NID1: variants seen among roughly 807,000 people sequenced by gnomAD.
The protein encoded by NID1 is nidogen 1.
In NID1, 76 loss-of-function variants were observed where a neutral mutation model predicts 130.6. The observed-to-expected ratio is 0.58, with a 90% CI of 0.48 to 0.70. NID1 has a LOEUF of 0.70. Ranked by LOEUF, NID1 falls within the 30% of genes least tolerant of loss-of-function variation. NID1 has a pLI of 0.00. For missense variants in NID1, 1,517 were observed against 1,664.8 expected (o/e 0.91, Z 1.54); for synonymous variants, 665 against 675.1 (o/e 0.98, Z 0.23).
At chr1:236,054,072 C>G (rs1659831763) in intron 1 of NID1, among the ~76,000 whole-genome samples, 1 of 152,008 alleles carries the variant, frequency 6.6e-6, no homozygotes, top group African/African-American at 2.4e-5. Context: ...ATATAAAGCA[C>G]TAAAATGGAG....
chr1:235,989,069 CTTT>C (rs768952072), intron 14 of NID1, among the ~76,000 whole-genome samples: 25 of 115,798 alleles, frequency 2.2e-4, no homozygotes, highest in African/African-American at 8.3e-4. Context: ...AAATTATCTG[CTTT>C]TTTTTTTTTT....
intron 4 of NID1, among the ~76,000 whole-genome samples, chr1:236,040,825 G>A (rs1659431121): frequency 6.6e-6 from 1 of 151,872 alleles, no homozygotes; most frequent in South Asian, 2.1e-4. Context: ...CACCACGCCT[G>A]GCTAATGTTT....
At chr1:235,984,504 T>C (rs984204842) in intron 15 of NID1, among the ~76,000 whole-genome samples, 1 of 152,176 alleles carries the variant, frequency 6.6e-6, no homozygotes, top group African/African-American at 2.4e-5. Context: ...AAAAACTACA[T>C]TCAGTGCCAA....
At chr1:236,044,815 G>A (rs1659551236) in intron 3 of NID1, among the ~76,000 whole-genome samples, 1 of 150,866 alleles carries the variant, frequency 6.6e-6, no homozygotes, top group African/African-American at 2.5e-5. Context: ...CCTAGTCAAT[G>A]TGAAGGAAAA....
intron 1 of NID1, among the ~76,000 whole-genome samples, chr1:236,057,130 G>A (rs1360800715): frequency 2.0e-5 from 3 of 152,048 alleles, no homozygotes; most frequent in Admixed American, 6.6e-5. Context: ...GTGGTGGTGG[G>A]TGCCTGTAAT....
At chr1:236,055,294 A>G (rs1053872667) in intron 1 of NID1, among the ~76,000 whole-genome samples, 2 of 151,714 alleles carry the variant, frequency 1.3e-5, no homozygotes, top group African/African-American at 2.4e-5. Flanking sequence ...ACAGAGCAAG[A>G]CTCCATCTCA....
intron 9 of NID1, among the ~76,000 whole-genome samples, chr1:236,023,690 G>A (rs1312800874): frequency 1.3e-5 from 2 of 152,044 alleles, no homozygotes; most frequent in Non-Finnish European, 2.9e-5. Flanking sequence ...AGTTGTTGGA[G>A]AATTAAATGA....
intron 12 of NID1, among the ~76,000 whole-genome samples, chr1:236,002,899 C>T (rs555056166): frequency 6.6e-6 from 1 of 152,128 alleles, no homozygotes; most frequent in African/African-American, 2.4e-5. Flanking sequence ...ACATCAACTC[C>T]CCCATTTGCC....
intron 9 of NID1, among the ~76,000 whole-genome samples, chr1:236,020,745 C>T (rs764388560): frequency 6.6e-6 from 1 of 152,176 alleles, no homozygotes; most frequent in African/African-American, 2.4e-5. Flanking sequence ...CCTCATGTCT[C>T]GATACATTAA....
chr1:236,021,825 G>A (rs1658773916), intron 9 of NID1, among the ~76,000 whole-genome samples: 1 of 152,128 alleles, frequency 6.6e-6, no homozygotes, highest in Admixed American at 6.5e-5. Flanking sequence ...ACTTCCCCTT[G>A]GCAGTAGATT....
In NID1 at chr1:236,042,159, AATCTTCATC is replaced by A; in HGVS notation, c.877_885del (p.Asp293_Asp295del). ...CCCAGACGAGTGGTCGCCAGGTCAT[AATCTTCATC>A]CTCATCATCATACTCTGCCCCATCT... On this transcript the variant is annotated inframe_deletion, in exon 4 of 20. Coordinates refer to ENST00000264187, the MANE Select transcript of NID1 (RefSeq NM_002508.3). The A allele has an allele frequency of 6.2e-7, 1 of 1,614,046 alleles. No individual in the cohort carries two copies. The highest frequency in any genetic ancestry group is 8.5e-7 in the Non-Finnish European group (1 of 1,180,024).
Position 235,981,720 on chromosome 1 carries a change from A to G in NID1, c.3118T>C (p.Ser1040Pro). The G allele has an allele frequency of 6.2e-7, 1 of 1,614,232 alleles. No individual in the cohort carries two copies. Among genetic ancestry groups the G allele is most frequent in the Non-Finnish European group, 8.5e-7 (1 of 1,180,042 alleles). ...HLGRNIFWTDSNLDRIEVAKL... is the reference protein window; with the variant it reads ...HLGRNIFWTDPNLDRIEVAKL... ...GCCACTTCTATTCGATCCAGGTTAG[A>G]GTCTGTCCAGAAGATGTTGCGGCCA... is the stretch of plus-strand genomic sequence containing the variant. The change falls in exon 16 of 20, where the codon TCT becomes CCT. Residue 1040 changes from serine (S) to proline (P), a missense_variant. By Grantham distance (74) the Ser-to-Pro change is moderately conservative. This residue lies in a region of NID1 where 1,329 missense variants were observed against 1,429.2 expected (regional missense o/e 0.93). Coordinates refer to ENST00000264187, the MANE Select transcript of NID1 (RefSeq NM_002508.3).
At chr1:236,012,578 A>AAAAAAAAG (rs1553343926) in intron 11 of NID1, among the ~76,000 whole-genome samples, 52 of 99,468 alleles carry the variant, frequency 5.2e-4, no homozygotes, top group African/African-American at 1.8e-3. Flanking sequence ...AAAAAAAAAA[A>AAAAAAAAG]AAAGAAAGAA....
chr1:236,029,715 C>A lies in NID1; in HGVS notation c.1573G>T (p.Val525Leu), dbSNP rs1262466777. The change falls in exon 7 of 20, where the codon GTG becomes TTG. Residue 525 changes from valine to leucine, a missense_variant. Transcript: ENST00000264187. ...EFTRQAEVTFVGHPGNLVIKQ... is the reference protein window; with the variant it reads ...EFTRQAEVTFLGHPGNLVIKQ... ...ATGACCAGATTGCCCGGGTGCCCCA[C>A]GAAGGTCACCTCAGCCTGGCGAGTG... is the stretch of plus-strand genomic sequence containing the variant. The A allele has an allele frequency of 6.2e-7, 1 of 1,614,114 alleles. No individual in the cohort carries two copies. Among genetic ancestry groups the A allele is most frequent in the African/African-American group, 1.3e-5 (1 of 75,046 alleles).
At chr1:236,020,046 A>C (rs1048600349) in intron 9 of NID1, among the ~76,000 whole-genome samples, 3 of 136,364 alleles carry the variant, frequency 2.2e-5, no homozygotes, top group East Asian at 2.5e-4. Context: ...TAAAAAAAAA[A>C]AAAAAAAAAA....
chr1:236,048,196 G>T lies in NID1; in HGVS notation c.525+494C>A, dbSNP rs1050350193. On this transcript the variant is annotated intron_variant, in intron 2 of 19. Coordinates refer to ENST00000264187, the MANE Select transcript of NID1 (RefSeq NM_002508.3). ...AAAATACAAAAAAAACCAGCCGGGC[G>T]TGGTGGTGGTCGCCTGTAGTCCCAG... is the stretch of plus-strand genomic sequence containing the variant. 4.0e-5 allele frequency among the ~76,000 whole-genome samples: 6 copies of T among 151,734 alleles called. No individual in the cohort carries two copies. The South Asian group carries it at 1.0e-3, about 26-fold the overall frequency.
At chr1:236,041,107 T>C (rs966353336) in intron 4 of NID1, among the ~76,000 whole-genome samples, 1 of 151,140 alleles carries the variant, frequency 6.6e-6, no homozygotes, top group Non-Finnish European at 1.5e-5. Context: ...CTCACTCTGT[T>C]GCCAGGCTGG....
intron 3 of NID1, among the ~76,000 whole-genome samples, chr1:236,042,673 T>C (rs1482630556): frequency 6.6e-6 from 1 of 152,230 alleles, no homozygotes; most frequent in African/African-American, 2.4e-5. Context: ...TCATTCATGC[T>C]CTCCACTATC....
chr1:236,035,005 T>TA lies in NID1; in HGVS notation c.1286-2354dup, dbSNP rs929164434. Among the ~76,000 whole-genome samples the TA allele has an allele frequency of 1.1e-3, 161 of 150,424 alleles. 4 individuals are homozygous for TA. In the East Asian group the frequency reaches 0.019, roughly 17 times the overall value. ...TTTTCTTTCTTTCTTTCTTTTTTTTTATTATACTTTAAGTTTTAGGGTACA... is the reference window on the plus strand; with the variant it reads ...TTTTCTTTCTTTCTTTCTTTTTTTTTAATTATACTTTAAGTTTTAGGGTACA... On this transcript the variant is annotated intron_variant, in intron 5 of 19. Transcript: ENST00000264187.
Sources: allele counts gnomAD v4.1 joint callset (sites outside exome capture counted in the v4.1 genomes callset), GRCh38; gene constraint gnomAD v4.1.1; regional missense constraint gnomAD v4.1.1; transcripts MANE v1.5; gene names NCBI Gene and HGNC (gene_info 2026-07-23, HGNC 2026-07-21).